ZBTB46: variants seen among roughly 807,000 people sequenced by gnomAD.
The protein encoded by ZBTB46 is zinc finger and BTB domain-containing protein 46.
ZBTB46 carries 8 observed loss-of-function variants against 44.1 expected under a neutral mutation model. The observed-to-expected ratio is 0.18, with a 90% confidence interval of 0.11 to 0.33. ZBTB46 has a LOEUF of 0.33. ZBTB46 is among the 10% of genes least tolerant of loss of function. ZBTB46 has a pLI of 1.00. For synonymous variants in ZBTB46, 409 were observed against 382.3 expected (o/e 1.07, Z -0.81); for missense variants, 651 against 847.7 (o/e 0.77, Z 2.88).
rs2092068391 is a variant in ZBTB46, at chr20:63,744,415, A to G, written c.*2515T>C. Reference sequence around the variant, plus strand: ...TGTCCCTGCCCCCTCCCCGCCCCCAAATAACACCATCCCCAATGGACTGTA... The same window carrying G: ...TGTCCCTGCCCCCTCCCCGCCCCCAGATAACACCATCCCCAATGGACTGTA... On this transcript the variant is annotated 3_prime_UTR_variant, in exon 5 of 5. Transcript: ENST00000245663. The G allele has an allele frequency of 6.6e-6, 1 of 152,282 alleles. No homozygotes were observed. The highest frequency in any genetic ancestry group is 1.5e-5 in the Non-Finnish European group (1 of 68,058). 9.4% of individuals were successfully genotyped at this position (152,282 alleles called of 1,614,324 possible).
chr20:63,776,654 AT>A (rs749542002), intron 2 of ZBTB46, among the ~76,000 whole-genome samples: 25 of 152,060 alleles, frequency 1.6e-4, no homozygotes, highest in Non-Finnish European at 3.5e-4. Flanking sequence ...AAATACAAAA[AT>A]TAGCCGGGCG....
chr20:63,786,934 G>A (rs1601467605), intron 2 of ZBTB46, among the ~76,000 whole-genome samples: 2 of 152,196 alleles, frequency 1.3e-5, no homozygotes, highest in African/African-American at 4.8e-5. Context: ...TTTTGGGCCT[G>A]AGCGACTGCA....
chr20:63,796,751 C>G (rs6011121), intron 1 of ZBTB46, among the ~76,000 whole-genome samples: 26,694 of 151,842 alleles, frequency 0.18, 2,810 homozygotes, highest in East Asian at 0.45. Flanking sequence ...CTTGAACCTG[C>G]GAGGCGGAGG....
intron 1 of ZBTB46, among the ~76,000 whole-genome samples, chr20:63,817,770 G>A (rs1178634830): frequency 2.6e-5 from 4 of 151,390 alleles, no homozygotes; most frequent in African/African-American, 7.3e-5. Flanking sequence ...CTGGACACCC[G>A]CAGGGGAGAC....
chr20:63,815,235 AATGGGTG>A, intron 1 of ZBTB46: 1 of 246,200 alleles, frequency 4.1e-6, no homozygotes, highest in Non-Finnish European at 8.1e-6. Context: ...CAGTGAGTGC[AATGGGTG>A]CAGGTGCAGT....
chr20:63,768,751 C>T (rs1443730842), intron 3 of ZBTB46, among the ~76,000 whole-genome samples: 1 of 151,972 alleles, frequency 6.6e-6, no homozygotes, highest in Non-Finnish European at 1.5e-5. Context: ...CAGGGCTCTG[C>T]GCGGCTCGGG....
chr20:63,819,601 C>G (rs1235898995), intron 1 of ZBTB46, among the ~76,000 whole-genome samples: 1 of 152,170 alleles, frequency 6.6e-6, no homozygotes, highest in African/African-American at 2.4e-5. Flanking sequence ...GCAAAAACAG[C>G]AACAGTGTCC....
At position 63,746,003 on chromosome 20, in the gene ZBTB46, G is replaced by C. The variant is rs896480420; in HGVS notation, c.*927C>G. On this transcript the variant is annotated 3_prime_UTR_variant, in exon 5 of 5. Coordinates refer to ENST00000245663, the MANE Select transcript of ZBTB46 (RefSeq NM_001369741.1). Reference sequence around the variant, plus strand: ...AAAAATTTGGTTACCCACGCGGGGAGGTGTAAGCAGCACACTGCAGTTAGG... The same window carrying C: ...AAAAATTTGGTTACCCACGCGGGGACGTGTAAGCAGCACACTGCAGTTAGG... 5.2e-5 allele frequency: 8 copies of C among 152,870 alleles called. No individual in the cohort carries two copies. Among genetic ancestry groups the C allele is most frequent in the Non-Finnish European group, 8.8e-5 (6 of 68,044 alleles). The allele number at this position is 152,870 out of a possible 1,614,324, so 9.5% of individuals were successfully genotyped here.
chr20:63,803,219 C>A lies in ZBTB46; in HGVS notation c.-33-12429G>T. 2 of 828,322 alleles carry A rather than the reference C, an allele frequency of 2.4e-6. No homozygotes were observed. The highest frequency in any genetic ancestry group is 2.9e-6 in the Non-Finnish European group (2 of 686,644). The allele number at this position is 828,322 out of a possible 1,614,324, so 51.3% of individuals were successfully genotyped here. ...CCCAGGGCGCCTCACCAGCAGGAACCAGGCACCTCCCCTCACACCAAGGCG... is the reference window on the plus strand; with the variant it reads ...CCCAGGGCGCCTCACCAGCAGGAACAAGGCACCTCCCCTCACACCAAGGCG... On this transcript the variant is annotated intron_variant, in intron 1 of 4. Coordinates refer to ENST00000245663, the MANE Select transcript of ZBTB46 (RefSeq NM_001369741.1). This position sits in a 1 kb window ranked among gnomAD's most constrained non-coding sequence, Gnocchi z 4.0.
chr20:63,806,770 A>C (rs1601513571), intron 1 of ZBTB46, among the ~76,000 whole-genome samples: 1 of 146,680 alleles, frequency 6.8e-6, no homozygotes, highest in African/African-American at 2.5e-5. Flanking sequence ...CACCACGCCC[A>C]GCTAATTGTT....
chr20:63,821,390 C>T (rs926542682), intron 1 of ZBTB46, among the ~76,000 whole-genome samples: 7 of 150,696 alleles, frequency 4.6e-5, no homozygotes, highest in African/African-American at 1.5e-4. Flanking sequence ...TGGGCTCAAA[C>T]GCTCCTCCTG....
intron 1 of ZBTB46, among the ~76,000 whole-genome samples, chr20:63,798,883 T>A (rs116249454): frequency 6.6e-6 from 1 of 150,834 alleles, no homozygotes; most frequent in Non-Finnish European, 1.5e-5. Flanking sequence ...TAAATCACCA[T>A]TTTAAAGTGG....
At chr20:63,760,239 C>A (rs776976089) in intron 3 of ZBTB46, among the ~76,000 whole-genome samples, 1 of 152,118 alleles carries the variant, frequency 6.6e-6, no homozygotes, top group Non-Finnish European at 1.5e-5. Flanking sequence ...TAAAGGCACT[C>A]GCCCTGAAGC....
intron 3 of ZBTB46, 146 bp downstream of exon 3, chr20:63,775,532 A>ACCC: frequency 9.1e-7 from 1 of 1,097,036 alleles, no homozygotes; most frequent in Non-Finnish European, 1.3e-6. Context: ...GTGACGCCGC[A>ACCC]TCCTCACCTC....
At chr20:63,813,694 C>T (rs1003677112) in intron 1 of ZBTB46, among the ~76,000 whole-genome samples, 6 of 152,156 alleles carry the variant, frequency 3.9e-5, no homozygotes, top group African/African-American at 1.4e-4. Flanking sequence ...AAATAAGTAG[C>T]ATGAAACAGA....
At position 63,747,121 on chromosome 20, in the gene ZBTB46, G is replaced by C; in HGVS notation, c.1579C>G (p.Leu527Val). The C allele has an allele frequency of 6.2e-7, 1 of 1,610,350 alleles. No individual in the cohort carries two copies. Among genetic ancestry groups the C allele is most frequent in the Non-Finnish European group, 8.5e-7 (1 of 1,179,424 alleles). Residue 527 changes from leucine to valine, a missense_variant, in exon 5 of 5, where the codon CTG (leucine) becomes GTG (valine). Coordinates refer to ENST00000245663, the MANE Select transcript of ZBTB46 (RefSeq NM_001369741.1). ...GGGGEGSPEA[L>V]FPGDGPYLED... ...AGATAGGGCCCGTCGCCTGGGAACA[G>C]CGCCTCTGGAGAGCCCTCGCCGCCT...
At chr20:63,780,370 C>T (rs115754721) in intron 2 of ZBTB46, among the ~76,000 whole-genome samples, 192 of 152,162 alleles carry the variant, frequency 1.3e-3, no homozygotes, top group African/African-American at 4.4e-3. Context: ...TCTTAGCAAG[C>T]AGCACTGGAA....
chr20:63,777,638 G>A (rs558023590), intron 2 of ZBTB46, among the ~76,000 whole-genome samples: 16 of 152,294 alleles, frequency 1.1e-4, no homozygotes, highest in African/African-American at 2.4e-4. Flanking sequence ...CCACATGTAC[G>A]CATGCAGATA....
chr20:63,806,393 G>A (rs2092681396), intron 1 of ZBTB46, among the ~76,000 whole-genome samples: 1 of 133,112 alleles, frequency 7.5e-6, no homozygotes, highest in African/African-American at 2.9e-5. Flanking sequence ...GGCAACAACA[G>A]TGAAACTCCA....
Sources: gnomAD v4.1 joint callset for allele counts (sites outside exome capture counted in the v4.1 genomes callset) on GRCh38, gnomAD v4.1.1 for gene constraint, Gnocchi (gnomAD v3.1) non-coding constraint, MANE v1.5 for transcripts, NCBI Gene and HGNC (gene_info 2026-07-23, HGNC 2026-07-21) for gene names.